AFG1L: variants seen among roughly 807,000 people sequenced by gnomAD.
AFG1L encodes the protein AFG1-like ATPase.
In AFG1L, 53 loss-of-function variants were observed where a neutral mutation model predicts 62.2. The ratio of observed to expected loss-of-function variants is 0.85; its 90% confidence interval spans 0.68 to 1.07. AFG1L has a LOEUF of 1.07. Ranked by LOEUF, AFG1L falls within the 50% of genes least tolerant of loss-of-function variation. The pLI, the probability that AFG1L is intolerant of heterozygous loss-of-function variation, is 0.00. For synonymous variants in AFG1L, 228 were observed against 210.3 expected (o/e 1.08, Z -0.73); for missense variants, 555 against 590.5 (o/e 0.94, Z 0.62).
At chr6:108,322,683 G>T (rs934722486) in intron 1 of AFG1L, among the ~76,000 whole-genome samples, 4 of 152,136 alleles carry the variant, frequency 2.6e-5, no homozygotes, top group Non-Finnish European at 1.5e-5. Flanking sequence ...CATTGTGATT[G>T]TTAATTCTTT....
intron 3 of AFG1L, among the ~76,000 whole-genome samples, chr6:108,347,264 T>G (rs1007572866): frequency 6.6e-6 from 1 of 152,168 alleles, no homozygotes; most frequent in African/African-American, 2.4e-5. Context: ...GTCACCATGT[T>G]AGGGTGCAAA....
At chr6:108,446,840 G>T (rs2114750014) in intron 7 of AFG1L, among the ~76,000 whole-genome samples, 1 of 152,014 alleles carries the variant, frequency 6.6e-6, no homozygotes, top group South Asian at 2.1e-4. Context: ...CTCCTGTGGT[G>T]CTTAAGACCC....
intron 7 of AFG1L, among the ~76,000 whole-genome samples, chr6:108,427,302 T>G (rs1195329455): frequency 1.3e-5 from 2 of 152,088 alleles, no homozygotes; most frequent in Admixed American, 6.6e-5. Context: ...TTGCCCAGGC[T>G]GGTCTCAAAC....
In AFG1L at chr6:108,295,139, AGGG is replaced by A; in HGVS notation, c.61_63del (p.Gly21del). 1 of 1,610,912 alleles carries A rather than the reference AGGG, an allele frequency of 6.2e-7. No homozygotes were observed. Among genetic ancestry groups the A allele is most frequent in the Non-Finnish European group, 8.5e-7 (1 of 1,179,962 alleles). ...GCCCCTTAGCACAGAGCCCGCTGAGAGGGAGATGTGTTGGGTGCGGGGCCTGGG... is the reference window on the plus strand; with the variant it reads ...GCCCCTTAGCACAGAGCCCGCTGAGAAGATGTGTTGGGTGCGGGGCCTGGG... On this transcript the variant is annotated inframe_deletion, in exon 1 of 13. Coordinates refer to ENST00000368977, the MANE Select transcript of AFG1L (RefSeq NM_145315.5).
chr6:108,414,669 A>G (rs1196841683), intron 7 of AFG1L, among the ~76,000 whole-genome samples: 1 of 152,180 alleles, frequency 6.6e-6, no homozygotes, highest in Non-Finnish European at 1.5e-5. Flanking sequence ...AAAGACAAAA[A>G]CCACATGATT....
Position 108,323,984 on chromosome 6 carries a change from G to A in AFG1L, c.299G>A (p.Cys100Tyr). The part of the protein sequence containing the change: ...DDEHQRRVIQ[C>Y]LQKLHEDLKG... The stretch of plus-strand genomic sequence containing the variant: ...GAACATCAAAGAAGAGTCATACAGT[G>A]TTTGCAGAAATTACACGAGGACCTT... The change falls in exon 2 of 13, where the codon TGT becomes TAT. Residue 100 changes from cysteine (C) to tyrosine (Y), a missense_variant. Cys to Tyr is a radical substitution (Grantham distance 194). Coordinates refer to ENST00000368977, the MANE Select transcript of AFG1L (RefSeq NM_145315.5). 1.9e-6 allele frequency: 3 copies of A among 1,614,182 alleles called. No homozygotes were observed. Among genetic ancestry groups the A allele is most frequent in the Non-Finnish European group, 2.5e-6 (3 of 1,180,020 alleles).
intron 6 of AFG1L, among the ~76,000 whole-genome samples, chr6:108,398,391 C>A (rs964545648): frequency 3.3e-5 from 5 of 152,054 alleles, no homozygotes; most frequent in African/African-American, 1.2e-4. Flanking sequence ...AATATTTTCT[C>A]CCATTCTGTG....
At chr6:108,431,597 C>CTTTTTTTTTTTTT (rs5878977) in intron 7 of AFG1L, among the ~76,000 whole-genome samples, 2 of 98,446 alleles carry the variant, frequency 2.0e-5, no homozygotes, top group Non-Finnish European at 4.0e-5. Flanking sequence ...TTCTTTGTTG[C>CTTTTTTTTTTTTT]TTTTTTTTTT....
intron 7 of AFG1L, among the ~76,000 whole-genome samples, chr6:108,436,156 T>G (rs575361278): frequency 2.6e-5 from 4 of 151,424 alleles, no homozygotes; most frequent in African/African-American, 4.8e-5. Flanking sequence ...TGAGATTAGG[T>G]TTTTTTTTAG....
At chr6:108,325,408 A>G (rs1455862142) in intron 2 of AFG1L, among the ~76,000 whole-genome samples, 2 of 146,304 alleles carry the variant, frequency 1.4e-5, no homozygotes, top group African/African-American at 5.0e-5. Context: ...CACTTTCTTC[A>G]GTTTCACTTT....
intron 10 of AFG1L, among the ~76,000 whole-genome samples, chr6:108,504,381 G>A (rs2114883820): frequency 6.6e-6 from 1 of 152,278 alleles, no homozygotes; most frequent in Admixed American, 6.5e-5. Flanking sequence ...AGGGAATAGG[G>A]AGGCCTGAAG....
intron 10 of AFG1L, among the ~76,000 whole-genome samples, chr6:108,491,447 A>G (rs1773776703): frequency 6.6e-6 from 1 of 152,192 alleles, no homozygotes; most frequent in Admixed American, 6.6e-5. Context: ...AGATTCTTAT[A>G]TCCAAGCTGA....
rs954083310 is a variant in AFG1L at position 108,375,895 on chromosome 6, C to T, written c.748+9563C>T. ...AGTTTCAGTAGAATTGGTACCGGCT[C>T]TTCTTTGTATGTCTGGTAGAATTTG... On this transcript the variant is annotated intron_variant, in intron 6 of 12. Transcript: ENST00000368977. Among the ~76,000 whole-genome samples the T allele has an allele frequency of 2.0e-5, 3 of 152,094 alleles. No individual in the cohort carries two copies. The East Asian group carries it at 5.8e-4, about 29-fold the overall frequency.
chr6:108,476,765 C>CTTTTTT, intron 8 of AFG1L, 100 bp from the exon 9 acceptor site: 3 of 745,956 alleles, frequency 4.0e-6, no homozygotes, highest in Non-Finnish European at 6.9e-6. Context: ...ACATCCTGTT[C>CTTTTTT]TTTTTTTTTA....
In AFG1L at chr6:108,447,239, A is replaced by G. The variant is rs1307064773; in HGVS notation, c.833A>G (p.Asp278Gly). The G allele has an allele frequency of 3.1e-6, 5 of 1,605,990 alleles. No individual in the cohort carries two copies. The South Asian group carries it at 5.5e-5, about 18-fold the overall frequency. Residue 278 changes from aspartate (D) to glycine (G), a missense_variant, in exon 8 of 13, where the codon GAT becomes GGT. Physicochemically the swap from Asp to Gly is moderately conservative, Grantham distance 94. Transcript: ENST00000368977. ...LKEYCNTVQLDSGIDYRKREL... is the reference protein window; with the variant it reads ...LKEYCNTVQLGSGIDYRKREL... ...GAATATTGTAATACAGTCCAGCTAG[A>G]TTCTGGGATAGATTACCGGAAAAGG...
chr6:108,308,244 G>A (rs1329012630), intron 1 of AFG1L, among the ~76,000 whole-genome samples: 1 of 152,012 alleles, frequency 6.6e-6, no homozygotes, highest in African/African-American at 2.4e-5. Context: ...GGACCTCCTG[G>A]GCTCAAGCAG....
intron 1 of AFG1L, among the ~76,000 whole-genome samples, chr6:108,300,468 T>C (rs1042070318): frequency 6.6e-6 from 1 of 152,224 alleles, no homozygotes; most frequent in Admixed American, 6.5e-5. Context: ...TAGGTATTAA[T>C]GTGAGTAGAA....
intron 10 of AFG1L, among the ~76,000 whole-genome samples, chr6:108,485,051 T>A (rs1773486534): frequency 1.3e-5 from 2 of 151,904 alleles, no homozygotes; most frequent in African/African-American, 4.8e-5. Context: ...GAAAAGGGAG[T>A]GAAGAAGGAT....
Position 108,474,810 on chromosome 6 carries a change from T to C in AFG1L, c.891-2055T>C, listed in dbSNP as rs527481970. ...ATTAAACCTTTGTCAGATGGGTAGA[T>C]TACAAAACTTTCTCCTATTCTGTAG... On this transcript the variant is annotated intron_variant, in intron 8 of 12. Transcript: ENST00000368977. Among the ~76,000 whole-genome samples the C allele has an allele frequency of 5.3e-5, 8 of 152,344 alleles. No individual in the cohort carries two copies. The East Asian group carries it at 1.2e-3, about 22-fold the overall frequency.
Sources: allele counts gnomAD v4.1 joint callset (sites outside exome capture counted in the v4.1 genomes callset), GRCh38; gene constraint gnomAD v4.1.1; transcripts MANE v1.5; gene names NCBI Gene and HGNC (gene_info 2026-07-23, HGNC 2026-07-21).